The following KDM5A variants were observed in gnomAD, a reference collection of about 807,000 sequenced individuals.
The protein encoded by KDM5A is lysine-specific demethylase 5A.
A neutral mutation model predicts 193.5 loss-of-function variants in KDM5A; 42 were observed. That is an observed-to-expected ratio of 0.22 (90% CI 0.17 to 0.28). KDM5A has a LOEUF of 0.28. Among genes scored for constraint, KDM5A ranks in the 10% least tolerant of loss-of-function variants. The probability of loss-of-function intolerance (pLI) is 1.00; values close to 1 mark genes in which losing one functional copy is unlikely to be tolerated. For missense variants in KDM5A, 1,692 were observed against 2,055.1 expected, an observed-to-expected ratio of 0.82 and a Z score of 3.42; for synonymous variants, 796 against 718.1, an observed-to-expected ratio of 1.11 and a Z score of -1.73.
intron 26 of KDM5A, among the ~76,000 whole-genome samples, chr12:294,968 A>G (rs1264520550): frequency 6.6e-6 from 1 of 152,184 alleles, no homozygotes; most frequent in Non-Finnish European, 1.5e-5. Context: ...TAAGTGTGAT[A>G]TATGAATGTG....
chr12:352,103 CAAAAAAAAAAAAAA>C (rs58266653), intron 9 of KDM5A, 88 bp downstream of exon 9: 38 of 378,762 alleles, frequency 1.0e-4, no homozygotes, highest in African/African-American at 3.1e-4. Flanking sequence ...GACTCCGTCT[CAAAAAAAAAAAAAA>C]AAAAAAAAAA....
At position 355,269 on chromosome 12, in the gene KDM5A, C is replaced by T. The variant is rs1944217914; in HGVS notation, c.779-20G>A. The T allele has an allele frequency of 3.5e-6, 5 of 1,431,220 alleles. No individual in the cohort carries two copies. The highest frequency in any genetic ancestry group is 4.9e-6 in the Non-Finnish European group (5 of 1,013,194). The allele number at this position is 1,431,220 out of a possible 1,614,324, so 88.7% of individuals were successfully genotyped here. A position where few individuals can be genotyped will look rare whatever the true frequency, so the allele number is the denominator to read the frequency against. On this transcript the variant is annotated intron_variant, in intron 6 of 27. Transcript: ENST00000399788. Reference sequence around the variant, plus strand: ...CCTCATCTTGAAATAAAAAGTTACACAATAATAGTAAAAACCAATGTTGAG... The same window carrying T: ...CCTCATCTTGAAATAAAAAGTTACATAATAATAGTAAAAACCAATGTTGAG...
chr12:348,998 G>GA (rs888798898), intron 10 of KDM5A, among the ~76,000 whole-genome samples: 1,946 of 129,878 alleles, frequency 0.015, 45 homozygotes, highest in African/African-American at 0.049. Context: ...TTGAAGAAAA[G>GA]AAAAAAAAAA....
At chr12:357,775 C>T (rs1418816593) in intron 5 of KDM5A, among the ~76,000 whole-genome samples, 4 of 131,216 alleles carry the variant, frequency 3.0e-5, no homozygotes, top group Non-Finnish European at 6.2e-5. Context: ...TTGCAGTGAG[C>T]TGAGATTGCA....
At chr12:347,000 T>C (rs1204063914) in intron 10 of KDM5A, among the ~76,000 whole-genome samples, 1 of 152,232 alleles carries the variant, frequency 6.6e-6, no homozygotes, top group Admixed American at 6.5e-5. Flanking sequence ...ATGACATGAC[T>C]GTATATTTAG....
chr12:294,076 T>C (rs1334515539), intron 26 of KDM5A, among the ~76,000 whole-genome samples: 1 of 152,190 alleles, frequency 6.6e-6, no homozygotes, highest in Non-Finnish European at 1.5e-5. Flanking sequence ...AAAGTATTGG[T>C]AGTTATTTTT....
At chr12:380,522 C>G (rs1944560831) in intron 3 of KDM5A, among the ~76,000 whole-genome samples, 1 of 152,100 alleles carries the variant, frequency 6.6e-6, no homozygotes, top group Admixed American at 6.5e-5. Flanking sequence ...TCAAGGCCAG[C>G]CTGGCCAACA....
intron 14 of KDM5A, among the ~76,000 whole-genome samples, chr12:327,444 T>A (rs1037041812): frequency 4.6e-5 from 7 of 152,334 alleles, no homozygotes; most frequent in African/African-American, 1.4e-4. Flanking sequence ...GCACAGTGGT[T>A]CACACCTGTA....
chr12:311,127 T>A, intron 20 of KDM5A, 63 bp from the exon 21 acceptor site: 6 of 1,440,858 alleles, frequency 4.2e-6, no homozygotes, highest in Non-Finnish European at 5.9e-6. Context: ...AATATACTGT[T>A]GAAAGACCTT....
At chr12:343,970 G>C (rs1366517886) in intron 10 of KDM5A, among the ~76,000 whole-genome samples, 1 of 152,234 alleles carries the variant, frequency 6.6e-6, no homozygotes, top group African/African-American at 2.4e-5. Context: ...ACTTCTCCGA[G>C]CTAAAGGAGG....
intron 22 of KDM5A, 128 bp downstream of exon 22, chr12:309,675 T>C: frequency 2.1e-6 from 2 of 941,412 alleles, no homozygotes; most frequent in East Asian, 2.6e-5. Flanking sequence ...TAATGTGAAA[T>C]ATGTATAATC....
intron 3 of KDM5A, among the ~76,000 whole-genome samples, chr12:370,250 G>T (rs191960383): frequency 6.6e-6 from 1 of 152,048 alleles, no homozygotes; most frequent in Non-Finnish European, 1.5e-5. Context: ...AAAATTAGCA[G>T]GGCGTGGTGG....
At chr12:312,647 A>G (rs1182283665) in intron 20 of KDM5A, among the ~76,000 whole-genome samples, 1 of 152,194 alleles carries the variant, frequency 6.6e-6, no homozygotes, top group African/African-American at 2.4e-5. Flanking sequence ...TCAACTTACG[A>G]CAGGGTTATG....
chr12:387,088 C>T (rs1207493341), intron 1 of KDM5A, among the ~76,000 whole-genome samples: 2 of 152,026 alleles, frequency 1.3e-5, no homozygotes, highest in African/African-American at 4.8e-5. Context: ...ATTCAAAAAA[C>T]ACGCAGAACA....
At chr12:321,174 C>T in intron 17 of KDM5A, 65 bp from the exon 18 acceptor site, 1 of 1,125,310 alleles carries the variant, frequency 8.9e-7, no homozygotes, top group African/African-American at 1.5e-5. Context: ...CAAAAGGGCT[C>T]CTAGTCTCTT....
At chr12:342,670 C>A (rs1387959795) in intron 10 of KDM5A, among the ~76,000 whole-genome samples, 1 of 151,916 alleles carries the variant, frequency 6.6e-6, no homozygotes, top group Non-Finnish European at 1.5e-5. Context: ...CCATGTTGGC[C>A]AGCCTGGTCT....
chr12:371,155 G>C (rs1944422787), intron 3 of KDM5A, among the ~76,000 whole-genome samples: 1 of 152,160 alleles, frequency 6.6e-6, no homozygotes, highest in Non-Finnish European at 1.5e-5. Context: ...TGGGTCAAAT[G>C]GTATTTCTAG....
intron 2 of KDM5A, 142 bp downstream of exon 2, chr12:385,755 C>T (rs1260260214): frequency 1.4e-6 from 1 of 695,646 alleles, no homozygotes; most frequent in Non-Finnish European, 2.6e-6. Context: ...CATACTCTTC[C>T]TCCAAACATC....
At chr12:348,002 G>A (rs1441833875) in intron 10 of KDM5A, among the ~76,000 whole-genome samples, 2 of 152,102 alleles carry the variant, frequency 1.3e-5, no homozygotes, top group Non-Finnish European at 2.9e-5. Context: ...GAAAATTTTT[G>A]CAATCTATCC....
Sources: allele counts gnomAD v4.1 joint callset (sites outside exome capture counted in the v4.1 genomes callset), GRCh38; gene constraint gnomAD v4.1.1; transcripts MANE v1.5; gene names NCBI Gene and HGNC (gene_info 2026-07-23, HGNC 2026-07-21).